Variants in ARID2 observed in about 807,000 individuals in gnomAD.
ARID2 encodes AT-rich interaction domain 2, also known as AT-rich interactive domain-containing protein 2.
A neutral mutation model predicts 184.6 loss-of-function variants in ARID2; 32 were observed. The observed-to-expected ratio is 0.17, with a 90% CI of 0.13 to 0.23. ARID2 has a LOEUF of 0.23. Among genes scored for constraint, ARID2 ranks in the 10% least tolerant of loss-of-function variants. The probability of loss-of-function intolerance (pLI) is 1.00; values close to 1 mark genes in which losing one functional copy is unlikely to be tolerated. For missense variants in ARID2, 1,696 were observed against 2,197.6 expected, an observed-to-expected ratio of 0.77 and a Z score of 4.56; for synonymous variants, 836 against 772.6, an observed-to-expected ratio of 1.08 and a Z score of -1.36.
rs781109272 is a variant in ARID2 at position 45,851,113 on chromosome 12, A to G, written c.2990A>G (p.Gln997Arg). Residue 997 changes from glutamine to arginine, a missense_variant, in exon 15 of 21, where the codon CAG (glutamine) becomes CGG (arginine). By Grantham distance (43) the Gln-to-Arg change is conservative. Around this residue, in one of 11 missense-constraint regions of ARID2, gnomAD observed 713 missense variants for 824.4 expected, o/e 0.86. Coordinates refer to ENST00000334344, the MANE Select transcript of ARID2 (RefSeq NM_152641.4). ...AMSSSSTPQS[Q>R]GPPPTVSQML... Reference sequence around the variant, plus strand: ...TCGTCGTCCTCTACCCCTCAATCACAGGGACCACCTCCTACTGTCAGTCAA... The same window carrying G: ...TCGTCGTCCTCTACCCCTCAATCACGGGGACCACCTCCTACTGTCAGTCAA... The G allele has an allele frequency of 6.2e-7, 1 of 1,614,052 alleles. No homozygotes were observed.
chr12:45,821,720 T>C (rs1942901163), intron 6 of ARID2, among the ~76,000 whole-genome samples: 1 of 152,170 alleles, frequency 6.6e-6, no homozygotes, highest in Non-Finnish European at 1.5e-5. Context: ...GTAACAACAA[T>C]AGCAGTAAAC....
chr12:45,891,456 T>G (rs1944300556), intron 16 of ARID2, among the ~76,000 whole-genome samples: 1 of 152,212 alleles, frequency 6.6e-6, no homozygotes, highest in Admixed American at 6.5e-5. Context: ...TTTGAACTGT[T>G]GGATTGGATA....
intron 20 of ARID2, among the ~76,000 whole-genome samples, chr12:45,901,970 G>A (rs1031603673): frequency 2.6e-5 from 4 of 152,118 alleles, no homozygotes; most frequent in Non-Finnish European, 4.4e-5. Flanking sequence ...GAGCCACCAC[G>A]CCTAGCAAAA....
intron 6 of ARID2, among the ~76,000 whole-genome samples, chr12:45,830,687 T>C (rs1262567494): frequency 2.0e-5 from 3 of 151,982 alleles, no homozygotes; most frequent in African/African-American, 7.2e-5. Context: ...GCACAAAGTG[T>C]TTAAATAAAT....
At chr12:45,742,790 A>C (rs561254642) in intron 3 of ARID2, among the ~76,000 whole-genome samples, 4 of 152,310 alleles carry the variant, frequency 2.6e-5, no homozygotes, top group Non-Finnish European at 4.4e-5. Context: ...AGATTGTTGC[A>C]GCTGTGTCTT....
intron 20 of ARID2, among the ~76,000 whole-genome samples, chr12:45,902,881 T>C (rs1343713396): frequency 1.3e-5 from 2 of 152,216 alleles, no homozygotes; most frequent in African/African-American, 4.8e-5. Context: ...AATTTCATAC[T>C]TTATTTTAAA....
chr12:45,744,385 CT>C (rs564561600), intron 3 of ARID2, among the ~76,000 whole-genome samples: 10 of 151,578 alleles, frequency 6.6e-5, no homozygotes, highest in Non-Finnish European at 1.2e-4. Context: ...AGTTTAGTAT[CT>C]TTTTTTTAAT....
rs114258510 is a variant in ARID2 at position 45,857,406 on chromosome 12, A to T, written c.4774-3395A>T. Among the ~76,000 whole-genome samples, 1,295 of 152,342 alleles carry T rather than the reference A, an allele frequency of 8.5e-3. 19 individuals are homozygous for T. Among genetic ancestry groups the T allele is most frequent in the African/African-American group, 0.03 (1,246 of 41,578 alleles). ...CAAGAATATCACTTTTGTTTTTCTA[A>T]GAGTACTGCCACTCAGATTTGTAGA... On this transcript the variant is annotated intron_variant, in intron 15 of 20. Coordinates refer to ENST00000334344, the MANE Select transcript of ARID2 (RefSeq NM_152641.4).
At chr12:45,837,025 A>T (rs1240907228) in intron 8 of ARID2, 34 bp downstream of exon 8, 1 of 1,589,180 alleles carries the variant, frequency 6.3e-7, no homozygotes, top group Non-Finnish European at 8.5e-7. Flanking sequence ...ACTAGTTTTT[A>T]TAGTTAGCAA....
At chr12:45,854,227 T>A (rs1442963021) in intron 15 of ARID2, among the ~76,000 whole-genome samples, 1 of 152,140 alleles carries the variant, frequency 6.6e-6, no homozygotes, top group Non-Finnish European at 1.5e-5. Flanking sequence ...CCCCAATGAT[T>A]CTACATTATG....
At chr12:45,833,102 T>C (rs1157008105) in intron 6 of ARID2, among the ~76,000 whole-genome samples, 1 of 152,238 alleles carries the variant, frequency 6.6e-6, no homozygotes, top group Non-Finnish European at 1.5e-5. Flanking sequence ...TCTATTGTTA[T>C]GCATTCATCT....
In ARID2 at chr12:45,906,492, ATTTAC is replaced by A. The variant is rs1944532809; in HGVS notation, c.*1418_*1422del. The A allele has an allele frequency of 4.3e-6, 1 of 232,824 alleles. No individual in the cohort carries two copies. The highest frequency in any genetic ancestry group is 2.2e-5 in the African/African-American group (1 of 45,312). The allele number at this position is 232,824 out of a possible 1,614,324, so 14.4% of individuals were successfully genotyped here. ...ACAGTTTATGTTATAGAATGGCTTT[ATTTAC>A]TTTGGTGACTGTTTATAGTTTTTAA... On this transcript the variant is annotated 3_prime_UTR_variant, in exon 21 of 21. Coordinates refer to ENST00000334344, the MANE Select transcript of ARID2 (RefSeq NM_152641.4).
In ARID2 at chr12:45,906,996, G is replaced by C. The variant is rs1022167854; in HGVS notation, c.*1918G>C. On this transcript the variant is annotated 3_prime_UTR_variant, in exon 21 of 21. Transcript: ENST00000334344. Reference sequence around the variant, plus strand: ...TGTTTTAAATATTTTGATTGAATTAGTACCAATGTAAAATCTAGTTTCTTC... The same window carrying C: ...TGTTTTAAATATTTTGATTGAATTACTACCAATGTAAAATCTAGTTTCTTC... The C allele has an allele frequency of 2.2e-5, 5 of 231,420 alleles. No homozygotes were observed. The highest frequency in any genetic ancestry group is 4.3e-5 in the Non-Finnish European group (5 of 117,038). 14.3% of individuals were successfully genotyped at this position (231,420 alleles called of 1,614,324 possible). A position where few individuals can be genotyped will look rare whatever the true frequency, so the allele number is the denominator to read the frequency against.
rs139922019 is a variant in ARID2, at chr12:45,893,585, C to T, written c.5271+42C>T. The T allele has an allele frequency of 1.7e-5, 27 of 1,608,082 alleles. No individual in the cohort carries two copies. In the Middle Eastern group the frequency reaches 1.8e-3, roughly 109 times the overall value. ...ACCCTTATCTGTAAAAGTCTGAGTC[C>T]TGTATGATTTAGATCTTTATTCTTT... On this transcript the variant is annotated intron_variant, in intron 19 of 20. Transcript: ENST00000334344.
intron 11 of ARID2, among the ~76,000 whole-genome samples, chr12:45,843,089 A>C (rs773974154): frequency 2.0e-4 from 31 of 152,140 alleles, no homozygotes; most frequent in Admixed American, 3.9e-4. Context: ...GAAATCAAAG[A>C]ATTAGCAAGT....
chr12:45,828,986 AT>A (rs1943058395), intron 6 of ARID2, among the ~76,000 whole-genome samples: 1 of 151,902 alleles, frequency 6.6e-6, no homozygotes, highest in Non-Finnish European at 1.5e-5. Context: ...TAGTTACAAA[AT>A]TTTGCCAACC....
intron 15 of ARID2, among the ~76,000 whole-genome samples, chr12:45,859,214 T>A (rs1333400577): frequency 6.6e-6 from 1 of 152,244 alleles, no homozygotes; most frequent in Non-Finnish European, 1.5e-5. Flanking sequence ...AATATTGTTT[T>A]CACTGTACCT....
rs141513852 is a variant in ARID2, at chr12:45,836,985, A to G, written c.1017A>G (p.Ala339=). ...GCCTTGACACATTAGGAAATATTGC[A>G]GCTGAGGTAAGCATGTGACTGTACC... is the stretch of plus-strand genomic sequence containing the variant. ...QLGLDTLGNI[A]AELLLDPVDF... is the part of the protein sequence containing the mutation. Residue 339 remains alanine, a synonymous_variant, in exon 8 of 21, where the codon GCA becomes GCG. Transcript: ENST00000334344. 1.9e-6 allele frequency: 3 copies of G among 1,613,430 alleles called. No homozygotes were observed. The highest frequency in any genetic ancestry group is 1.7e-4 in the Middle Eastern group (1 of 6,056).
At chr12:45,895,751 T>C (rs1944361008) in intron 20 of ARID2, among the ~76,000 whole-genome samples, 1 of 152,184 alleles carries the variant, frequency 6.6e-6, no homozygotes, top group African/African-American at 2.4e-5. Context: ...GCCAGTTTGG[T>C]CTTGAACTCC....
Sources: gnomAD v4.1 joint callset for allele counts (sites outside exome capture counted in the v4.1 genomes callset) on GRCh38, gnomAD v4.1.1 for gene constraint, gnomAD v4.1.1 regional missense constraint, MANE v1.5 for transcripts, NCBI Gene and HGNC (gene_info 2026-07-23, HGNC 2026-07-21) for gene names.